Variants in C1orf21 observed in about 807,000 individuals in gnomAD.
C1orf21 encodes chromosome 1 open reading frame 21.
Under a neutral mutation model 18.7 loss-of-function variants are expected in C1orf21, and 3 were observed. The ratio of observed to expected loss-of-function variants is 0.16; its 90% CI spans 0.07 to 0.42. The LOEUF is 0.42. C1orf21 is among the 10% of genes least tolerant of loss of function. The pLI is 0.99. For missense variants in C1orf21, 104 were observed against 143.6 expected (o/e 0.72, Z 1.41); for synonymous variants, 41 against 46.4 (o/e 0.88, Z 0.47).
Position 184,387,998 on chromosome 1 carries a change from T to C in C1orf21, c.-125+630T>C, listed in dbSNP as rs1218358676. Among the ~76,000 whole-genome samples the C allele has an allele frequency of 6.6e-6, 1 of 152,134 alleles. No homozygotes were observed. Among genetic ancestry groups the C allele is most frequent in the African/African-American group, 2.4e-5 (1 of 41,426 alleles). On this transcript the variant is annotated intron_variant, in intron 1 of 5. Coordinates refer to ENST00000235307, the MANE Select transcript of C1orf21 (RefSeq NM_030806.4). This position sits in a 1 kb window ranked among gnomAD's most constrained non-coding sequence, Gnocchi z 5.6. Reference sequence around the variant, plus strand: ...CCCATGCGAGGCAGCCAGAGGGTGCTTGGTTATTGTACACGAAACAGATTT... The same window carrying C: ...CCCATGCGAGGCAGCCAGAGGGTGCCTGGTTATTGTACACGAAACAGATTT...
At chr1:184,410,617 TTATATATA>T (rs1162356586) in intron 1 of C1orf21, among the ~76,000 whole-genome samples, 38 of 21,158 alleles carry the variant, frequency 1.8e-3, no homozygotes, top group South Asian at 3.2e-3. Context: ...GCCATATATA[TTATATATA>T]TATATATATA....
chr1:184,394,962 C>T (rs1486344667), intron 1 of C1orf21, among the ~76,000 whole-genome samples: 3 of 148,634 alleles, frequency 2.0e-5, no homozygotes, highest in African/African-American at 7.4e-5. Flanking sequence ...TTATGCCTCC[C>T]TTCCATGGCC....
chr1:184,579,947 C>T (rs537328616), intron 3 of C1orf21, among the ~76,000 whole-genome samples: 33 of 152,266 alleles, frequency 2.2e-4, no homozygotes, highest in African/African-American at 7.7e-4. Context: ...CAAAATTGCC[C>T]TTGCTTAATG....
chr1:184,566,874 C>A, intron 3 of C1orf21: 1 of 495,070 alleles, frequency 2.0e-6, no homozygotes, highest in South Asian at 1.6e-5. Flanking sequence ...GTGACAACAG[C>A]TGCACCCAAA....
At chr1:184,396,064 G>A (rs184299770) in intron 1 of C1orf21, among the ~76,000 whole-genome samples, 2 of 152,292 alleles carry the variant, frequency 1.3e-5, no homozygotes, top group South Asian at 2.1e-4. Context: ...ATGTAATGAC[G>A]TGGAGCCATG....
At chr1:184,391,491 A>T (rs1351393713) in intron 1 of C1orf21, among the ~76,000 whole-genome samples, 1 of 152,146 alleles carries the variant, frequency 6.6e-6, no homozygotes, top group African/African-American at 2.4e-5. Flanking sequence ...TCACTCAATG[A>T]GTGATTGAAT....
chr1:184,619,584 C>G lies in C1orf21; in HGVS notation c.*28C>G. 1 of 1,609,306 alleles carries G rather than the reference C, an allele frequency of 6.2e-7. No individual in the cohort carries two copies. Among genetic ancestry groups the G allele is most frequent in the Non-Finnish European group, 8.5e-7 (1 of 1,176,830 alleles). ...CCAATTTTACCACTCAAACCAGGAG[C>G]TACTACTGTGTAAATAGGTTACACC... On this transcript the variant is annotated 3_prime_UTR_variant, in exon 6 of 6. Coordinates refer to ENST00000235307, the MANE Select transcript of C1orf21 (RefSeq NM_030806.4).
At chr1:184,421,200 C>A (rs1166986889) in intron 1 of C1orf21, among the ~76,000 whole-genome samples, 2 of 152,144 alleles carry the variant, frequency 1.3e-5, no homozygotes, top group Non-Finnish European at 2.9e-5. Flanking sequence ...GATCATAACT[C>A]ACTGTAACCT....
intron 3 of C1orf21, among the ~76,000 whole-genome samples, chr1:184,528,063 T>C (rs1235503966): frequency 1.3e-5 from 2 of 152,214 alleles, no homozygotes; most frequent in Non-Finnish European, 2.9e-5. Flanking sequence ...GTGCCAGGTA[T>C]ATAGTAAGTG....
At chr1:184,522,153 G>C (rs541256451) in intron 3 of C1orf21, among the ~76,000 whole-genome samples, 1 of 152,144 alleles carries the variant, frequency 6.6e-6, no homozygotes, top group African/African-American at 2.4e-5. Flanking sequence ...ATGAATTGAT[G>C]CTTAGCTTAA....
intron 1 of C1orf21, among the ~76,000 whole-genome samples, chr1:184,468,661 G>A (rs1163521145): frequency 6.6e-6 from 1 of 152,202 alleles, no homozygotes; most frequent in Admixed American, 6.5e-5. Flanking sequence ...GCTCATGCCT[G>A]TAATCCCAGC....
intron 1 of C1orf21, among the ~76,000 whole-genome samples, chr1:184,414,333 T>G (rs373091728): frequency 2.0e-3 from 300 of 152,252 alleles, no homozygotes; most frequent in African/African-American, 7.0e-3. Flanking sequence ...CTTGCTATGT[T>G]GCCCGGGCTG....
At chr1:184,535,980 TC>T (rs1658544435) in intron 3 of C1orf21, among the ~76,000 whole-genome samples, 1 of 152,372 alleles carries the variant, frequency 6.6e-6, no homozygotes, top group East Asian at 1.9e-4. Context: ...ATGATGTGGT[TC>T]TTATCATTAC....
intron 2 of C1orf21, among the ~76,000 whole-genome samples, chr1:184,482,489 C>G (rs1006247113): frequency 7.9e-5 from 12 of 152,180 alleles, no homozygotes; most frequent in African/African-American, 2.9e-4. Context: ...CTTTGGAGAC[C>G]AACGCCCATT....
At chr1:184,430,958 T>C (rs1656751867) in intron 1 of C1orf21, among the ~76,000 whole-genome samples, 1 of 152,192 alleles carries the variant, frequency 6.6e-6, no homozygotes, top group Non-Finnish European at 1.5e-5. Context: ...CTCTTTTATT[T>C]CCTTGAGCAG....
intron 3 of C1orf21, among the ~76,000 whole-genome samples, chr1:184,589,146 A>G (rs1338963016): frequency 6.6e-6 from 1 of 152,226 alleles, no homozygotes. Flanking sequence ...ATTACAGTGC[A>G]TTTCTTTTAA....
chr1:184,406,255 G>A (rs1241023014), intron 1 of C1orf21, among the ~76,000 whole-genome samples: 1 of 152,152 alleles, frequency 6.6e-6, no homozygotes, highest in Non-Finnish European at 1.5e-5. Context: ...GAAATGAAAT[G>A]CATGTAAAAT....
intron 1 of C1orf21, among the ~76,000 whole-genome samples, chr1:184,391,209 A>T (rs1322409256): frequency 6.6e-6 from 1 of 152,210 alleles, no homozygotes; most frequent in Admixed American, 6.5e-5. Flanking sequence ...TAAACATAGA[A>T]ATGAGCACAC....
intron 2 of C1orf21, among the ~76,000 whole-genome samples, chr1:184,503,582 T>G (rs1557988599): frequency 1.3e-5 from 2 of 152,218 alleles, no homozygotes; most frequent in East Asian, 3.9e-4. Flanking sequence ...GTGTACACCT[T>G]CCAGATGAGG....
Sources: allele counts gnomAD v4.1 joint callset (sites outside exome capture counted in the v4.1 genomes callset), GRCh38; gene constraint gnomAD v4.1.1; non-coding constraint Gnocchi (gnomAD v3.1); transcripts MANE v1.5; gene names NCBI Gene and HGNC (gene_info 2026-07-23, HGNC 2026-07-21).